SHLD2: variants seen among roughly 807,000 people sequenced by gnomAD.
The protein encoded by SHLD2 is shieldin complex subunit 2.
A neutral mutation model predicts 73.2 loss-of-function variants in SHLD2; 30 were observed. The ratio of observed to expected loss-of-function variants is 0.41; its 90% CI spans 0.31 to 0.56. The LOEUF is 0.56. SHLD2 is among the 20% of genes least tolerant of loss of function. SHLD2 has a pLI of 0.28. For missense variants in SHLD2, 745 were observed against 1,055.9 expected, an observed-to-expected ratio of 0.71 and a Z score of 4.08; for synonymous variants, 285 against 370.1, an observed-to-expected ratio of 0.77 and a Z score of 2.64.
intron 2 of SHLD2, among the ~76,000 whole-genome samples, chr10:87,106,342 A>G (rs945798395): frequency 5.9e-5 from 9 of 152,210 alleles, no homozygotes; most frequent in Non-Finnish European, 1.0e-4. Flanking sequence ...AGTGTCTGCC[A>G]TATTTGCCAC....
intron 3 of SHLD2, among the ~76,000 whole-genome samples, chr10:87,155,246 T>A (rs976104725): frequency 6.6e-6 from 1 of 151,824 alleles, no homozygotes; most frequent in African/African-American, 2.4e-5. Flanking sequence ...AGTACAATCT[T>A]TTATAAAGAG....
chr10:87,148,165 A>G (rs1845756583), intron 2 of SHLD2, among the ~76,000 whole-genome samples: 1 of 152,104 alleles, frequency 6.6e-6, no homozygotes, highest in African/African-American at 2.4e-5. Flanking sequence ...GTCACTTTTT[A>G]TAATTGTCAG....
intron 4 of SHLD2, among the ~76,000 whole-genome samples, chr10:87,162,954 A>T (rs972128996): frequency 3.3e-5 from 5 of 152,112 alleles, no homozygotes; most frequent in Non-Finnish European, 7.4e-5. Flanking sequence ...TTAGCTTTCA[A>T]CCTAGCAATC....
At chr10:87,146,123 A>C (rs890099072) in intron 2 of SHLD2, among the ~76,000 whole-genome samples, 1 of 152,042 alleles carries the variant, frequency 6.6e-6, no homozygotes, top group African/African-American at 2.4e-5. Flanking sequence ...TTTCTAGTCA[A>C]ATTTTTTTTG....
chr10:87,181,215 T>C (rs1180405506), intron 8 of SHLD2, among the ~76,000 whole-genome samples: 1 of 61,526 alleles, frequency 1.6e-5, no homozygotes, highest in South Asian at 9.0e-4. Context: ...ACCCCATCTC[T>C]ACCAAAAAAA....
At chr10:87,096,109 C>T (rs531213825) in intron 1 of SHLD2, among the ~76,000 whole-genome samples, 21 of 152,322 alleles carry the variant, frequency 1.4e-4, no homozygotes, top group Non-Finnish European at 2.5e-4. Context: ...GGCACCATCT[C>T]GGCTCACTGC....
intron 2 of SHLD2, among the ~76,000 whole-genome samples, chr10:87,125,399 A>G (rs1406770635): frequency 1.3e-5 from 2 of 152,200 alleles, no homozygotes; most frequent in East Asian, 3.8e-4. Context: ...CATTGTGGAC[A>G]TTGACTACAT....
intron 2 of SHLD2, among the ~76,000 whole-genome samples, chr10:87,125,795 C>T (rs1207368534): frequency 5.3e-5 from 8 of 151,754 alleles, no homozygotes; most frequent in African/African-American, 1.9e-4. Flanking sequence ...GGCGTGGTGG[C>T]GGGTGCCTGT....
intron 2 of SHLD2, among the ~76,000 whole-genome samples, chr10:87,097,700 AAACT>A (rs1841995855): frequency 6.6e-6 from 1 of 152,188 alleles, no homozygotes; most frequent in Non-Finnish European, 1.5e-5. Flanking sequence ...GGTGCCTTAC[AAACT>A]GGCTTCATGA....
At chr10:87,124,732 T>C (rs1221193675) in intron 2 of SHLD2, among the ~76,000 whole-genome samples, 1 of 148,864 alleles carries the variant, frequency 6.7e-6, no homozygotes, top group Non-Finnish European at 1.5e-5. Flanking sequence ...AAAGTCATTA[T>C]AGTTAAAAAA....
chr10:87,140,142 G>A (rs3129343), intron 2 of SHLD2, among the ~76,000 whole-genome samples: 5 of 152,058 alleles, frequency 3.3e-5, no homozygotes, highest in South Asian at 2.1e-4. Flanking sequence ...CTGGGTGGCC[G>A]GGTGGGTGGC....
intron 9 of SHLD2, among the ~76,000 whole-genome samples, chr10:87,188,842 A>G (rs1015348612): frequency 6.6e-6 from 1 of 152,102 alleles, no homozygotes; most frequent in African/African-American, 2.4e-5. Flanking sequence ...AATTTTTTCC[A>G]GTAACTGTTA....
At chr10:87,104,943 C>T (rs934325713) in intron 2 of SHLD2, among the ~76,000 whole-genome samples, 1 of 151,994 alleles carries the variant, frequency 6.6e-6, no homozygotes, top group African/African-American at 2.4e-5. Context: ...AGGTGTGAGC[C>T]ACCACACCCA....
intron 2 of SHLD2, among the ~76,000 whole-genome samples, chr10:87,117,233 AAC>A (rs1465325927): frequency 6.6e-6 from 1 of 152,014 alleles, no homozygotes; most frequent in Non-Finnish European, 1.5e-5. Flanking sequence ...CAGCCTGACC[AAC>A]ATTGAGAAAC....
intron 6 of SHLD2, among the ~76,000 whole-genome samples, chr10:87,174,730 A>C (rs943833532): frequency 2.0e-5 from 3 of 152,200 alleles, no homozygotes; most frequent in Admixed American, 6.5e-5. Context: ...TTTGAAGTTG[A>C]ATTTACTAAT....
intron 7 of SHLD2, among the ~76,000 whole-genome samples, chr10:87,178,391 C>T (rs935283087): frequency 6.6e-6 from 1 of 151,864 alleles, no homozygotes; most frequent in Non-Finnish European, 1.5e-5. Flanking sequence ...CCCTCTGAAT[C>T]TGAAATAAAA....
At chr10:87,178,719 C>CA (rs1455002265) in intron 7 of SHLD2, among the ~76,000 whole-genome samples, 28 of 149,366 alleles carry the variant, frequency 1.9e-4, no homozygotes, top group African/African-American at 3.2e-4. Context: ...TGTCTCAAAA[C>CA]AAAAAAAAAT....
chr10:87,187,563 G>A (rs1848695550), intron 9 of SHLD2, among the ~76,000 whole-genome samples: 1 of 152,202 alleles, frequency 6.6e-6, no homozygotes, highest in African/African-American at 2.4e-5. Flanking sequence ...CAACCGTGAT[G>A]TCTTAGTTGT....
chr10:87,142,866 G>A (rs1180677447), intron 2 of SHLD2, among the ~76,000 whole-genome samples: 1 of 150,190 alleles, frequency 6.7e-6, no homozygotes, highest in Admixed American at 6.6e-5. Context: ...CATACCCCTG[G>A]CACCTACCTG....
Sources: allele counts gnomAD v4.1 joint callset (sites outside exome capture counted in the v4.1 genomes callset), GRCh38; gene constraint gnomAD v4.1.1; transcripts MANE v1.5; gene names NCBI Gene and HGNC (gene_info 2026-07-23, HGNC 2026-07-21).